EPB41L3: variants seen among roughly 807,000 people sequenced by gnomAD.
The protein encoded by EPB41L3 is band 4.1-like protein 3.
A neutral mutation model predicts 127.1 loss-of-function variants in EPB41L3; 57 were observed. The ratio of observed to expected loss-of-function variants is 0.45; its 90% CI spans 0.36 to 0.56. The LOEUF (loss-of-function observed/expected upper bound fraction) is 0.56. Among genes scored for constraint, EPB41L3 ranks in the 20% least tolerant of loss-of-function variants. The pLI, the probability that EPB41L3 is intolerant of heterozygous loss-of-function variation, is 0.00. For missense variants in EPB41L3, 1,273 were observed against 1,372.2 expected (o/e 0.93, Z 1.14); for synonymous variants, 572 against 549.5 (o/e 1.04, Z -0.57).
At position 5,436,683 on chromosome 18, in the gene EPB41L3, C is replaced by T. The variant is rs563461360; in HGVS notation, c.605+1352G>A. ...TCGGCCTCCCAAAGTGCTGGGATTACAGGCGTGCGCCACCGTGCCTGGCCC... is the reference window on the plus strand; with the variant it reads ...TCGGCCTCCCAAAGTGCTGGGATTATAGGCGTGCGCCACCGTGCCTGGCCC... On this transcript the variant is annotated intron_variant, in intron 6 of 22. Coordinates refer to ENST00000341928, the MANE Select transcript of EPB41L3 (RefSeq NM_012307.5). 7.9e-5 allele frequency among the ~76,000 whole-genome samples: 12 copies of T among 152,238 alleles called. No homozygotes were observed. In the South Asian group the frequency reaches 1.9e-3, roughly 24 times the overall value.
chr18:5,520,248 G>A (rs1226549672), intron 1 of EPB41L3, among the ~76,000 whole-genome samples: 1 of 152,200 alleles, frequency 6.6e-6, no homozygotes, highest in Non-Finnish European at 1.5e-5. Flanking sequence ...ATCTAGAAGA[G>A]ACAATCAAGC....
intron 11 of EPB41L3, among the ~76,000 whole-genome samples, chr18:5,422,304 C>T (rs932652779): frequency 2.0e-5 from 3 of 152,066 alleles, no homozygotes; most frequent in Non-Finnish European, 4.4e-5. Context: ...TAAAGTATTC[C>T]ATTAGAAAAA....
chr18:5,539,209 T>C (rs909097556), intron 1 of EPB41L3, among the ~76,000 whole-genome samples: 1 of 151,172 alleles, frequency 6.6e-6, no homozygotes, highest in Non-Finnish European at 1.5e-5. Flanking sequence ...AGGTTAAATA[T>C]TACATTTGTT....
upstream of EPB41L3, chr18:5,630,447 T>TGGAGAAAAAAA (rs919326650): frequency 3.9e-6 from 2 of 518,688 alleles, no homozygotes; most frequent in Non-Finnish European, 7.7e-6. Context: ...CAACCTTCCT[T>TGGAGAAAAAAA]GGAGAAAAAA....
At chr18:5,547,154 G>T (rs2093894314), upstream of EPB41L3, among the ~76,000 whole-genome samples, 1 of 152,168 alleles carries the variant, frequency 6.6e-6, no homozygotes, top group Non-Finnish European at 1.5e-5. Flanking sequence ...AAAGTAGAAA[G>T]CAAGGTGAAG....
intron 2 of EPB41L3, among the ~76,000 whole-genome samples, chr18:5,487,254 C>CT (rs1333040357): frequency 2.6e-5 from 4 of 151,960 alleles, no homozygotes; most frequent in Admixed American, 2.6e-4. Flanking sequence ...CATCTTCTCA[C>CT]TCATATGTGG....
chr18:5,436,766 CA>C (rs1269715349), intron 6 of EPB41L3, among the ~76,000 whole-genome samples: 2 of 151,928 alleles, frequency 1.3e-5, no homozygotes, highest in Non-Finnish European at 2.9e-5. Flanking sequence ...ACAAATTAGC[CA>C]AAATAAAACA....
At chr18:5,551,313 G>T (rs2093960212) in intron 3 of EPB41L3, among the ~76,000 whole-genome samples, 1 of 152,094 alleles carries the variant, frequency 6.6e-6, no homozygotes, top group Admixed American at 6.6e-5. Context: ...CACTTCTCTT[G>T]ATGTGATATC....
intron 6 of EPB41L3, among the ~76,000 whole-genome samples, chr18:5,434,754 G>C (rs1568160247): frequency 6.6e-6 from 1 of 152,202 alleles, no homozygotes; most frequent in East Asian, 1.9e-4. Flanking sequence ...TTGATAACAA[G>C]TGACTACGTT....
At chr18:5,480,715 T>G (rs2088290090) in intron 2 of EPB41L3, among the ~76,000 whole-genome samples, 1 of 152,210 alleles carries the variant, frequency 6.6e-6, no homozygotes, top group South Asian at 2.1e-4. Flanking sequence ...AAACAATGAC[T>G]AGAAGAGACA....
intron 1 of EPB41L3, among the ~76,000 whole-genome samples, chr18:5,528,010 C>A (rs1336213221): frequency 2.1e-5 from 2 of 95,900 alleles, no homozygotes; most frequent in African/African-American, 4.5e-5. Context: ...ACATTAAAAA[C>A]AATACCACAA....
At chr18:5,475,525 G>A (rs1268844178) in intron 3 of EPB41L3, among the ~76,000 whole-genome samples, 1 of 152,168 alleles carries the variant, frequency 6.6e-6, no homozygotes, top group Non-Finnish European at 1.5e-5. Flanking sequence ...ATGCTTCCAC[G>A]GAAACAGCCT....
chr18:5,527,467 T>C (rs908501873), intron 1 of EPB41L3, among the ~76,000 whole-genome samples: 1 of 152,158 alleles, frequency 6.6e-6, no homozygotes, highest in African/African-American at 2.4e-5. Flanking sequence ...TAAACGACTC[T>C]TTCATTTGAG....
chr18:5,481,803 G>C (rs114472888), intron 2 of EPB41L3, among the ~76,000 whole-genome samples: 1 of 151,576 alleles, frequency 6.6e-6, no homozygotes, highest in East Asian at 1.9e-4. Flanking sequence ...CAGGACAAGC[G>C]GCACTCCCAT....
At chr18:5,480,701 G>A (rs932535522) in intron 2 of EPB41L3, among the ~76,000 whole-genome samples, 4 of 152,142 alleles carry the variant, frequency 2.6e-5, no homozygotes, top group African/African-American at 9.7e-5. Context: ...CTCCGAAGAT[G>A]GTAAAACAAT....
intron 9 of EPB41L3, among the ~76,000 whole-genome samples, chr18:5,427,191 C>T (rs2078307560): frequency 6.6e-6 from 1 of 151,892 alleles, no homozygotes; most frequent in Non-Finnish European, 1.5e-5. Flanking sequence ...TTTTAAATTG[C>T]ATTTTCCACC....
intron 13 of EPB41L3, among the ~76,000 whole-genome samples, chr18:5,413,929 C>G (rs1338891073): frequency 6.6e-6 from 1 of 152,206 alleles, no homozygotes; most frequent in Non-Finnish European, 1.5e-5. Context: ...GTAATGCAGA[C>G]ATGCCCAAGT....
At chr18:5,416,427 A>C (rs1279246786) in intron 12 of EPB41L3, 49 bp from the exon 13 acceptor site, 2 of 1,516,098 alleles carry the variant, frequency 1.3e-6, no homozygotes, top group Non-Finnish European at 1.8e-6. Context: ...ACAGAGGTGC[A>C]AAAGGACAAA....
chr18:5,499,234 A>C (rs2091497809), intron 1 of EPB41L3, among the ~76,000 whole-genome samples: 1 of 152,214 alleles, frequency 6.6e-6, no homozygotes, highest in South Asian at 2.1e-4. Context: ...TAAGGAGCAC[A>C]GCATCAAGAA....
Sources: gnomAD v4.1 joint callset for allele counts (sites outside exome capture counted in the v4.1 genomes callset) on GRCh38, gnomAD v4.1.1 for gene constraint, MANE v1.5 for transcripts, NCBI Gene and HGNC (gene_info 2026-07-23, HGNC 2026-07-21) for gene names.